EDIL3: variants seen among roughly 807,000 people sequenced by gnomAD.
EDIL3 encodes EGF like and discoidin domains 3.
EDIL3 carries 37 observed loss-of-function variants against 67.4 expected under a neutral mutation model. The ratio of observed to expected loss-of-function variants is 0.55; its 90% CI spans 0.42 to 0.72. The LOEUF (loss-of-function observed/expected upper bound fraction) is 0.72, where lower values mean the gene tolerates loss of function less well. Among genes scored for constraint, EDIL3 ranks in the 30% least tolerant of loss-of-function variants. The pLI is 0.00. For synonymous variants in EDIL3, 195 were observed against 196.3 expected, an observed-to-expected ratio of 0.99 and a Z score of 0.05; for missense variants, 527 against 586.3, an observed-to-expected ratio of 0.90 and a Z score of 1.04.
intron 3 of EDIL3, among the ~76,000 whole-genome samples, chr5:84,218,142 CT>C (rs991271262): frequency 1.2e-4 from 19 of 152,324 alleles, no homozygotes; most frequent in South Asian, 8.3e-4. Flanking sequence ...TATTAAGTCA[CT>C]TTTTTTCCCC....
intron 9 of EDIL3, among the ~76,000 whole-genome samples, chr5:83,991,224 C>T (rs1191783505): frequency 2.6e-5 from 4 of 152,128 alleles, no homozygotes; most frequent in Admixed American, 1.3e-4. Context: ...GGCCCGTTCC[C>T]ACATCTTTTC....
intron 10 of EDIL3, among the ~76,000 whole-genome samples, chr5:83,946,815 T>A (rs536364509): frequency 6.6e-6 from 1 of 151,976 alleles, no homozygotes; most frequent in East Asian, 1.9e-4. Context: ...TATCAAAGAA[T>A]CCCTTGGGGA....
intron 9 of EDIL3, among the ~76,000 whole-genome samples, chr5:84,018,444 T>G (rs888998033): frequency 2.0e-5 from 3 of 152,134 alleles, no homozygotes; most frequent in African/African-American, 7.2e-5. Context: ...TTTCTTCAGT[T>G]TAACACACTG....
chr5:84,114,376 C>T (rs1461964555), intron 5 of EDIL3, among the ~76,000 whole-genome samples: 4 of 151,916 alleles, frequency 2.6e-5, no homozygotes, highest in Non-Finnish European at 5.9e-5. Context: ...AAAAGTTTCC[C>T]GGATACAGAG....
rs148514292 is a variant in EDIL3, at chr5:84,381,835, G to A, written c.67+2473C>T. Among the ~76,000 whole-genome samples, 1,415 of 152,210 alleles carry A rather than the reference G, an allele frequency of 9.3e-3. 21 individuals carry two copies. The highest frequency in any genetic ancestry group is 0.031 in the African/African-American group (1,296 of 41,530). ...AAATATTCAATCTGACTGATCCATT[G>A]GTTTAATTTTAAAATAAAGACGACT... On this transcript the variant is annotated intron_variant, in intron 1 of 10. Coordinates refer to ENST00000296591, the MANE Select transcript of EDIL3 (RefSeq NM_005711.5).
At chr5:84,135,397 C>T (rs1748073684) in intron 5 of EDIL3, among the ~76,000 whole-genome samples, 1 of 152,172 alleles carries the variant, frequency 6.6e-6, no homozygotes, top group Non-Finnish European at 1.5e-5. Context: ...CTGGAAGGTT[C>T]TCTATTCAGG....
At chr5:84,033,200 C>G (rs1165149203) in intron 9 of EDIL3, among the ~76,000 whole-genome samples, 1 of 152,208 alleles carries the variant, frequency 6.6e-6, no homozygotes, top group African/African-American at 2.4e-5. Context: ...TCTACTACTT[C>G]CATGTTGCAT....
chr5:84,211,920 T>C (rs1744127559), intron 3 of EDIL3, among the ~76,000 whole-genome samples: 1 of 152,180 alleles, frequency 6.6e-6, no homozygotes, highest in Non-Finnish European at 1.5e-5. Flanking sequence ...TGACTGCAAT[T>C]TGCACAAATC....
chr5:84,264,834 C>G (rs1369024802), intron 1 of EDIL3, among the ~76,000 whole-genome samples: 2 of 152,164 alleles, frequency 1.3e-5, no homozygotes, highest in African/African-American at 2.4e-5. Flanking sequence ...CTCATACTGA[C>G]TTTATAAAAA....
At chr5:84,181,324 A>T (rs976354069) in intron 3 of EDIL3, 2 of 152,226 alleles carry the variant, frequency 1.3e-5, no homozygotes, top group Non-Finnish European at 2.9e-5. Flanking sequence ...GAACCACAGG[A>T]TCTGCTGTGG....
At chr5:83,967,298 G>A (rs1744707039) in intron 9 of EDIL3, among the ~76,000 whole-genome samples, 1 of 152,012 alleles carries the variant, frequency 6.6e-6, no homozygotes, top group Admixed American at 6.6e-5. Flanking sequence ...TCCAGCCTGG[G>A]CAACAGAGCC....
intron 4 of EDIL3, among the ~76,000 whole-genome samples, chr5:84,161,330 TA>T (rs1748610423): frequency 6.6e-6 from 1 of 152,032 alleles, no homozygotes; most frequent in Non-Finnish European, 1.5e-5. Context: ...AATGCCTTTT[TA>T]AAACCTGGGT....
At chr5:83,958,544 G>C (rs1423303522) in intron 10 of EDIL3, among the ~76,000 whole-genome samples, 1 of 151,362 alleles carries the variant, frequency 6.6e-6, no homozygotes, top group Non-Finnish European at 1.5e-5. Context: ...TTTTAGGGAG[G>C]GAGATGAAAT....
chr5:84,089,203 A>G (rs1747122626), intron 6 of EDIL3, among the ~76,000 whole-genome samples: 1 of 152,190 alleles, frequency 6.6e-6, no homozygotes. Flanking sequence ...AACGGCTTAG[A>G]AGCAGAAGTG....
intron 10 of EDIL3, among the ~76,000 whole-genome samples, chr5:83,958,961 A>T (rs1198525066): frequency 1.3e-5 from 2 of 151,208 alleles, no homozygotes; most frequent in Non-Finnish European, 3.0e-5. Context: ...AAATGTATGG[A>T]CTGTAATGAG....
intron 3 of EDIL3, among the ~76,000 whole-genome samples, chr5:84,198,514 T>C (rs1382802887): frequency 6.6e-6 from 1 of 152,120 alleles, no homozygotes; most frequent in Non-Finnish European, 1.5e-5. Context: ...AGGATTAACA[T>C]ACTCAGCTAT....
chr5:84,312,177 C>T (rs1746406153), intron 1 of EDIL3, among the ~76,000 whole-genome samples: 1 of 149,926 alleles, frequency 6.7e-6, no homozygotes, highest in Non-Finnish European at 1.5e-5. Flanking sequence ...GGGCAGCTGG[C>T]CGGGCGGGGG....
At chr5:84,205,272 A>G (rs1272072102) in intron 3 of EDIL3, among the ~76,000 whole-genome samples, 1 of 152,068 alleles carries the variant, frequency 6.6e-6, no homozygotes, top group African/African-American at 2.4e-5. Context: ...GTTTGTACCT[A>G]TATATGTTCC....
chr5:84,158,295 AATACTGCTCAG>A (rs1403766434), intron 4 of EDIL3, among the ~76,000 whole-genome samples: 3 of 152,036 alleles, frequency 2.0e-5, no homozygotes, highest in Non-Finnish European at 4.4e-5. Context: ...TCTGAAAGTG[AATACTGCTCAG>A]ATATTTTAAA....
Sources: allele counts gnomAD v4.1 joint callset (sites outside exome capture counted in the v4.1 genomes callset), GRCh38; gene constraint gnomAD v4.1.1; transcripts MANE v1.5; gene names NCBI Gene and HGNC (gene_info 2026-07-23, HGNC 2026-07-21).